THSD4: variants seen among roughly 807,000 people sequenced by gnomAD.
THSD4 encodes the protein thrombospondin type 1 domain containing 4.
A neutral mutation model predicts 119.0 loss-of-function variants in THSD4; 69 were observed. The ratio of observed to expected loss-of-function variants is 0.58; its 90% CI spans 0.48 to 0.71. The LOEUF (loss-of-function observed/expected upper bound fraction) is 0.71. Among genes scored for constraint, THSD4 ranks in the 30% least tolerant of loss-of-function variants. The pLI is 0.00. For missense variants in THSD4, 1,393 were observed against 1,391.1 expected, an observed-to-expected ratio of 1.00 and a Z score of -0.02; for synonymous variants, 524 against 540.4, an observed-to-expected ratio of 0.97 and a Z score of 0.42.
chr15:71,464,845 A>G (rs982167144), intron 7 of THSD4, among the ~76,000 whole-genome samples: 2 of 152,092 alleles, frequency 1.3e-5, no homozygotes, highest in Non-Finnish European at 2.9e-5. Context: ...GTCTTCCAAA[A>G]CTATGACCTT....
At chr15:71,379,107 GT>G (rs1164355227) in intron 6 of THSD4, among the ~76,000 whole-genome samples, 1 of 152,138 alleles carries the variant, frequency 6.6e-6, no homozygotes, top group Non-Finnish European at 1.5e-5. Flanking sequence ...TTTTAAGCCA[GT>G]TGTTGAGATC....
intron 7 of THSD4, among the ~76,000 whole-genome samples, chr15:71,414,776 G>A (rs956019779): frequency 6.6e-6 from 1 of 152,250 alleles, no homozygotes; most frequent in East Asian, 1.9e-4. Context: ...GATAATAATT[G>A]CTAAAAGCCT....
At chr15:71,263,331 G>GTATATATATA (rs60448462) in intron 6 of THSD4, among the ~76,000 whole-genome samples, 13,859 of 138,644 alleles carry the variant, frequency 0.1, 1,238 homozygotes, top group African/African-American at 0.22. Context: ...GTATTCCATG[G>GTATATATATA]TATATATATA....
At chr15:71,511,915 G>T in intron 7 of THSD4, among the ~76,000 whole-genome samples, 1 of 152,106 alleles carries the variant, frequency 6.6e-6, no homozygotes, top group East Asian at 1.9e-4. Flanking sequence ...TGTTTATAAA[G>T]GATCTTTATT....
chr15:71,141,290 T>C (rs1415169620), intron 1 of THSD4, among the ~76,000 whole-genome samples, 159 bp from the exon 2 acceptor site: 1 of 152,248 alleles, frequency 6.6e-6, no homozygotes, highest in Non-Finnish European at 1.5e-5. Context: ...CTCATGTTCA[T>C]AAATAATCAG....
At chr15:71,520,238 T>G (rs1026099880) in intron 7 of THSD4, among the ~76,000 whole-genome samples, 2 of 152,170 alleles carry the variant, frequency 1.3e-5, no homozygotes, top group African/African-American at 4.8e-5. Context: ...GAGCGTGCTC[T>G]CACTAAGGGA....
intron 6 of THSD4, among the ~76,000 whole-genome samples, chr15:71,411,277 A>G (rs2046683583): frequency 6.6e-6 from 1 of 152,198 alleles, no homozygotes; most frequent in Non-Finnish European, 1.5e-5. Flanking sequence ...TCAAGATACA[A>G]TCCCTTCCCT....
chr15:71,654,283 G>A (rs1566571), intron 7 of THSD4, among the ~76,000 whole-genome samples: 60,772 of 152,080 alleles, frequency 0.4, 13,050 homozygotes, highest in East Asian at 0.9. Context: ...GAATTGGCAC[G>A]TAGTTGAAGT....
At chr15:71,348,812 G>A (rs1422265857) in intron 6 of THSD4, among the ~76,000 whole-genome samples, 2 of 152,202 alleles carry the variant, frequency 1.3e-5, no homozygotes, top group Non-Finnish European at 2.9e-5. Flanking sequence ...TTCCAACAAG[G>A]AGTTACATAA....
intron 7 of THSD4, among the ~76,000 whole-genome samples, chr15:71,470,013 G>A (rs1233231646): frequency 1.3e-5 from 2 of 152,186 alleles, no homozygotes; most frequent in Non-Finnish European, 2.9e-5. Flanking sequence ...TAGCCATATG[G>A]AGGTAGAGAT....
At chr15:71,647,962 G>A (rs1021067536) in intron 7 of THSD4, among the ~76,000 whole-genome samples, 2 of 152,188 alleles carry the variant, frequency 1.3e-5, no homozygotes, top group Non-Finnish European at 2.9e-5. Flanking sequence ...AGCAGCCTGA[G>A]AGATATAAGC....
chr15:71,310,923 G>A (rs1247766405), intron 6 of THSD4, among the ~76,000 whole-genome samples: 4 of 152,046 alleles, frequency 2.6e-5, no homozygotes, highest in African/African-American at 9.7e-5. Flanking sequence ...TGTTTACTGA[G>A]CCCCAACATC....
intron 6 of THSD4, among the ~76,000 whole-genome samples, chr15:71,352,890 A>G (rs1195790391): frequency 7.2e-5 from 11 of 152,228 alleles, no homozygotes; most frequent in Non-Finnish European, 1.6e-4. Context: ...GGGTGGAAGG[A>G]CATTCTAGGA....
intron 7 of THSD4, among the ~76,000 whole-genome samples, chr15:71,516,108 G>A (rs2048357910): frequency 6.6e-6 from 1 of 152,208 alleles, no homozygotes; most frequent in Non-Finnish European, 1.5e-5. Context: ...GTAATGGTTA[G>A]CATTTCTAAA....
At chr15:71,312,876 G>A (rs1257204903) in intron 6 of THSD4, among the ~76,000 whole-genome samples, 1 of 152,094 alleles carries the variant, frequency 6.6e-6, no homozygotes, top group Non-Finnish European at 1.5e-5. Context: ...CTCCCTGCAA[G>A]AGACCTTCAC....
chr15:71,697,047 A>G (rs1283988388), intron 8 of THSD4, among the ~76,000 whole-genome samples: 2 of 152,208 alleles, frequency 1.3e-5, no homozygotes, highest in Admixed American at 1.3e-4. Context: ...GAAAGGAAGG[A>G]GGGAGTGCCC....
chr15:71,514,671 T>C (rs1304078065), intron 7 of THSD4, among the ~76,000 whole-genome samples: 3 of 152,146 alleles, frequency 2.0e-5, no homozygotes, highest in Non-Finnish European at 4.4e-5. Context: ...AAAGAAAATA[T>C]ACATAAAAGA....
At chr15:71,535,459 T>A (rs1000458284) in intron 7 of THSD4, among the ~76,000 whole-genome samples, 3 of 152,232 alleles carry the variant, frequency 2.0e-5, no homozygotes, top group African/African-American at 7.2e-5. Flanking sequence ...TGTGGACATA[T>A]GTTGTCATTT....
In THSD4 at chr15:71,584,995, TTA is replaced by T. The variant is rs1313198054; in HGVS notation, c.1153-75533_1153-75532del. Among the ~76,000 whole-genome samples, 3 of 152,348 alleles carry T rather than the reference TTA, an allele frequency of 2.0e-5. No individual in the cohort carries two copies. The East Asian group carries it at 5.8e-4, about 29-fold the overall frequency. ...ATTTTTAACTTCTGTTTTCCATATT[TTA>T]TGTTATTGATATTACAATTTATAAC... On this transcript the variant is annotated intron_variant, in intron 7 of 17. Coordinates refer to ENST00000261862, the MANE Select transcript of THSD4 (RefSeq NM_024817.3).
Sources: gnomAD v4.1 joint callset for allele counts (sites outside exome capture counted in the v4.1 genomes callset) on GRCh38, gnomAD v4.1.1 for gene constraint, MANE v1.5 for transcripts, NCBI Gene and HGNC (gene_info 2026-07-23, HGNC 2026-07-21) for gene names.